MACF1: variants seen among roughly 807,000 people sequenced by gnomAD.
MACF1 encodes microtubule actin crosslinking factor 1.
Under a neutral mutation model 854.8 loss-of-function variants are expected in MACF1, and 193 were observed. That is an observed-to-expected ratio of 0.23 (90% confidence interval 0.20 to 0.25). The LOEUF (loss-of-function observed/expected upper bound fraction) is 0.25, where lower values mean the gene tolerates loss of function less well. MACF1 is among the 10% of genes least tolerant of loss of function. MACF1 has a pLI of 1.00. For missense variants in MACF1, 7,722 were observed against 8,929.1 expected (o/e 0.86, Z 5.45); for synonymous variants, 3,185 against 3,226.7 (o/e 0.99, Z 0.44).
chr1:39,376,708 T>A (rs1045761425), intron 52 of MACF1, among the ~76,000 whole-genome samples: 1 of 152,064 alleles, frequency 6.6e-6, no homozygotes, highest in African/African-American at 2.4e-5. Context: ...CCACCCTAAT[T>A]CAGCTAATTT....
At chr1:39,275,985 T>A (rs914876222) in intron 6 of MACF1, among the ~76,000 whole-genome samples, 5 of 151,768 alleles carry the variant, frequency 3.3e-5, no homozygotes, top group African/African-American at 1.2e-4. Context: ...AGTGGTGCAA[T>A]CATAGCTCAC....
intron 66 of MACF1, 78 bp downstream of exon 66, chr1:39,430,986 T>C: frequency 7.9e-7 from 1 of 1,268,532 alleles, no homozygotes; most frequent in Non-Finnish European, 1.1e-6. Flanking sequence ...CCCACATAAA[T>C]ACAGACTCAG....
At chr1:39,305,912 G>C (rs1646164425) in intron 23 of MACF1, among the ~76,000 whole-genome samples, 1 of 152,090 alleles carries the variant, frequency 6.6e-6, no homozygotes, top group Non-Finnish European at 1.5e-5. Context: ...CTAACTGCAT[G>C]CCACTCTCTG....
In MACF1 at chr1:39,434,528, G is replaced by A; in HGVS notation, c.17680G>A (p.Glu5894Lys). 6.2e-7 allele frequency: 1 copy of A among 1,613,982 alleles called. No individual in the cohort carries two copies. The highest frequency in any genetic ancestry group is 8.5e-7 in the Non-Finnish European group (1 of 1,180,004). Residue 5894 changes from glutamate (E) to lysine (K), a missense_variant, in exon 69 of 101, where the codon GAA becomes AAA. By Grantham distance (56) the Glu-to-Lys change is moderately conservative (BLOSUM62 1). Around this residue, in one of 15 missense-constraint regions of MACF1, gnomAD observed 2,807 missense variants for 3,235.8 expected, o/e 0.87. Transcript: ENST00000564288. ...VLVNQFWETY[E>K]ELSPWIEETR... is the part of the protein sequence containing the mutation. Reference sequence around the variant, plus strand: ...AGTAAACCAGTTTTGGGAAACTTATGAAGAGCTCAGCCCCTGGATTGAGGA... The same window carrying A: ...AGTAAACCAGTTTTGGGAAACTTATAAAGAGCTCAGCCCCTGGATTGAGGA...
rs1003183614 is a variant in MACF1 at position 39,337,441 on chromosome 1, A to T, written c.10215+110A>T. On this transcript the variant is annotated intron_variant, in intron 38 of 100. Coordinates refer to ENST00000564288, the MANE Select transcript of MACF1 (RefSeq NM_001394062.1). ...ACCTGCTTGCACTCTATTCTAGGGT[A>T]AACAATCTCAGACCCTTGTCAGATA... 10 of 1,035,770 alleles carry T rather than the reference A, an allele frequency of 9.7e-6. No individual in the cohort carries two copies. The African/African-American group carries it at 1.4e-4, about 15-fold the overall frequency. The allele number at this position is 1,035,770 out of a possible 1,614,324, so 64.2% of individuals were successfully genotyped here.
In MACF1 at chr1:39,332,080, A is replaced by C. The variant is rs112594324; in HGVS notation, c.5492A>C (p.Asp1831Ala). The part of the protein sequence containing the change: ...RLTIDEAVSN[D>A]LVAAKIALVI... ...ACAATAGATGAAGCAGTGAGCAATG[A>C]TCTAGTAGCTGCTAAGATCGCCCTT... The change falls in exon 37 of 101, where the codon GAT becomes GCT. Residue 1831 changes from aspartate to alanine, a missense_variant. Asp to Ala is a moderately radical substitution (Grantham distance 126, BLOSUM62 -2). Transcript: ENST00000564288. 1 of 1,613,992 alleles carries C rather than the reference A, an allele frequency of 6.2e-7. No homozygotes were observed. The highest frequency in any genetic ancestry group is 1.1e-5 in the South Asian group (1 of 91,070).
intron 2 of MACF1, among the ~76,000 whole-genome samples, chr1:39,176,109 C>CAAAAAAAA (rs773763271): frequency 0.037 from 499 of 13,340 alleles, 160 homozygotes; most frequent in Middle Eastern, 0.25. Context: ...GACTCCTTCT[C>CAAAAAAAA]AAAAAAAAAA....
At chr1:39,114,786 A>G (rs1358436023) in intron 2 of MACF1, among the ~76,000 whole-genome samples, 1 of 152,198 alleles carries the variant, frequency 6.6e-6, no homozygotes, top group African/African-American at 2.4e-5. Flanking sequence ...TATCATATAG[A>G]TAAATGCTGA....
At chr1:39,346,721 G>A (rs1034470963) in intron 40 of MACF1, among the ~76,000 whole-genome samples, 4 of 152,028 alleles carry the variant, frequency 2.6e-5, no homozygotes, top group African/African-American at 9.6e-5. Context: ...GGGTTTCACC[G>A]TGTTAGCCAG....
At chr1:39,134,185 C>T (rs1445252368) in intron 2 of MACF1, among the ~76,000 whole-genome samples, 14 of 149,154 alleles carry the variant, frequency 9.4e-5, no homozygotes, top group African/African-American at 1.2e-4. Flanking sequence ...GGACTACAGG[C>T]GCCCGCCACC....
At position 39,269,699 on chromosome 1, in the gene MACF1, C is replaced by T. The variant is rs956928065; in HGVS notation, c.528+11671C>T. 3.9e-6 allele frequency: 5 copies of T among 1,289,682 alleles called. No homozygotes were observed. The Admixed American group carries it at 9.2e-5, about 24-fold the overall frequency. 79.9% of individuals were successfully genotyped at this position (1,289,682 alleles called of 1,614,324 possible). A position where few individuals can be genotyped will look rare whatever the true frequency, so the allele number is the denominator to read the frequency against. On this transcript the variant is annotated intron_variant, in intron 6 of 100. Coordinates refer to ENST00000564288, the MANE Select transcript of MACF1 (RefSeq NM_001394062.1). ...CTCTTTCTCTGGAGGCAAGCCACAC[C>T]CCATCATGGGGTCTGGAAGAGGTAG... is the stretch of plus-strand genomic sequence containing the variant.
intron 2 of MACF1, chr1:39,103,204 C>T (rs1030232579): frequency 2.5e-5 from 9 of 362,250 alleles, no homozygotes; most frequent in Non-Finnish European, 4.3e-5. Flanking sequence ...CTCTGATTCT[C>T]ACAGCGGACT....
rs1644258935 is a variant in MACF1, at chr1:39,447,846, G to A, written c.19916G>A (p.Arg6639Gln). 3.1e-6 allele frequency: 5 copies of A among 1,613,594 alleles called. No homozygotes were observed. The highest frequency in any genetic ancestry group is 2.2e-5 in the South Asian group (2 of 91,044). ...TCTCGATGGGAGAAGGTTGTCCAGC[G>A]ATCTATTGAAAGAGGGCGATCACTA... is the stretch of plus-strand genomic sequence containing the variant. Reference protein sequence around the residue: ...VQSRWEKVVQRSIERGRSLDD... With the variant: ...VQSRWEKVVQQSIERGRSLDD... The change falls in exon 82 of 101, where the codon CGA (arginine) becomes CAA (glutamine). Residue 6639 changes from arginine to glutamine, a missense_variant. Physicochemically the swap from Arg to Gln is conservative, Grantham distance 43 (BLOSUM62 1). Around this residue, in one of 15 missense-constraint regions of MACF1, gnomAD observed 729 missense variants for 900.5 expected, o/e 0.81. Transcript: ENST00000564288.
chr1:39,101,821 C>T (rs1233775637), intron 2 of MACF1, among the ~76,000 whole-genome samples: 6 of 125,286 alleles, frequency 4.8e-5, no homozygotes, highest in Admixed American at 3.4e-4. Flanking sequence ...AGCGAGACTC[C>T]ATCTCAAAAA....
At position 39,292,749 on chromosome 1, in the gene MACF1, C is replaced by A; in HGVS notation, c.1915-17C>A. The A allele has an allele frequency of 6.4e-7, 1 of 1,574,090 alleles. No individual in the cohort carries two copies. Among genetic ancestry groups the A allele is most frequent in the East Asian group, 2.2e-5 (1 of 44,516 alleles). ...CTCTTTCTCTAATGTATTTTTATTT[C>A]ATTCTTTTTTAATCAGGGAAAGATG... On this transcript the variant is annotated splice_polypyrimidine_tract_variant and intron_variant, in intron 16 of 100. Coordinates refer to ENST00000564288, the MANE Select transcript of MACF1 (RefSeq NM_001394062.1).
At chr1:39,306,955 G>A (rs1646193746) in intron 23 of MACF1, among the ~76,000 whole-genome samples, 1 of 151,250 alleles carries the variant, frequency 6.6e-6, no homozygotes, top group Non-Finnish European at 1.5e-5. Flanking sequence ...GCACATGGCA[G>A]CCTCCACCTC....
intron 31 of MACF1, among the ~76,000 whole-genome samples, chr1:39,320,116 C>T (rs1646486354): frequency 1.3e-5 from 2 of 152,140 alleles, no homozygotes; most frequent in African/African-American, 4.8e-5. Context: ...AGGAGTCATC[C>T]TAAACTGTTC....
Position 39,447,605 on chromosome 1 carries a change from A to C in MACF1, c.19761+18A>C, listed in dbSNP as rs763327063. The C allele has an allele frequency of 6.2e-7, 1 of 1,613,750 alleles. No individual in the cohort carries two copies. The highest frequency in any genetic ancestry group is 1.1e-5 in the South Asian group (1 of 91,066). On this transcript the variant is annotated intron_variant, in intron 81 of 100. Transcript: ENST00000564288. ...AGCACAAGGTAAGTATGATATTATG[A>C]TGCTGCATTCTTTTTGAAAGCACTA... is the stretch of plus-strand genomic sequence containing the variant.
intron 97 of MACF1, among the ~76,000 whole-genome samples, 157 bp from the exon 98 acceptor site, chr1:39,479,641 G>A (rs1049558542): frequency 3.9e-5 from 6 of 152,144 alleles, no homozygotes; most frequent in African/African-American, 1.4e-4. Flanking sequence ...CAAGGCTGAT[G>A]TGTCATGAAT....
Sources: allele counts gnomAD v4.1 joint callset (sites outside exome capture counted in the v4.1 genomes callset), GRCh38; gene constraint gnomAD v4.1.1; regional missense constraint gnomAD v4.1.1; transcripts MANE v1.5; gene names NCBI Gene and HGNC (gene_info 2026-07-23, HGNC 2026-07-21).